RARB: variants seen among roughly 807,000 people sequenced by gnomAD.
The protein encoded by RARB is HBV-activated protein.
Under a neutral mutation model 51.9 loss-of-function variants are expected in RARB, and 17 were observed. The ratio of observed to expected loss-of-function variants is 0.33; its 90% CI spans 0.22 to 0.49. The LOEUF is 0.49. Among genes scored for constraint, RARB ranks in the 20% least tolerant of loss-of-function variants. RARB has a pLI of 0.99. For synonymous variants in RARB, 215 were observed against 195.4 expected (o/e 1.10, Z -0.84); for missense variants, 369 against 550.8 (o/e 0.67, Z 3.30).
chr3:25,571,008 C>T (rs1028834353), intron 4 of RARB, among the ~76,000 whole-genome samples: 1 of 151,178 alleles, frequency 6.6e-6, no homozygotes, highest in Non-Finnish European at 1.5e-5. Context: ...GGGTGTAGTG[C>T]GCTAGGATGT....
At chr3:24,919,533 T>G (rs571235974) in intron 2 of RARB, among the ~76,000 whole-genome samples, 31 of 152,198 alleles carry the variant, frequency 2.0e-4, no homozygotes, top group African/African-American at 7.5e-4. Context: ...TGTACGTCAC[T>G]TTCTTTTTCT....
intron 3 of RARB, among the ~76,000 whole-genome samples, chr3:25,063,281 T>G (rs1698587961): frequency 6.6e-6 from 1 of 152,050 alleles, no homozygotes; most frequent in Non-Finnish European, 1.5e-5. Context: ...GCTCTAAAAC[T>G]TCTGATTCTC....
upstream of RARB, among the ~76,000 whole-genome samples, chr3:25,426,613 T>C (rs964423733): frequency 1.5e-4 from 23 of 152,372 alleles, no homozygotes; most frequent in Admixed American, 5.2e-4. Flanking sequence ...AGCAGTGCTC[T>C]TCCCTGCATT....
At chr3:25,419,931 C>G (rs1257465969) in intron 5 of RARB, among the ~76,000 whole-genome samples, 2 of 150,532 alleles carry the variant, frequency 1.3e-5, no homozygotes, top group African/African-American at 5.0e-5. Flanking sequence ...ATGCAAAAAA[C>G]TAATTTTGGA....
intron 2 of RARB, among the ~76,000 whole-genome samples, chr3:25,038,208 A>G (rs1222463663): frequency 1.3e-5 from 2 of 152,190 alleles, no homozygotes; most frequent in Non-Finnish European, 2.9e-5. Context: ...TGATGAAGGA[A>G]TTTGATAGAT....
At chr3:25,141,107 A>G (rs1368254335) in intron 4 of RARB, among the ~76,000 whole-genome samples, 1 of 152,148 alleles carries the variant, frequency 6.6e-6, no homozygotes, top group Non-Finnish European at 1.5e-5. Context: ...TCTTTGAGGT[A>G]TACCGATATT....
At position 25,576,267 on chromosome 3, in the gene RARB, C is replaced by G. The variant is rs539406351; in HGVS notation, c.610-4279C>G. 2.0e-5 allele frequency among the ~76,000 whole-genome samples: 3 copies of G among 152,252 alleles called. No individual in the cohort carries two copies. The East Asian group carries it at 5.8e-4, about 29-fold the overall frequency. ...GGAAGTTTCTAGTCATGAGAAAAAG[C>G]AGTTCGAAGAAGGTGGTGCCTAGCT... On this transcript the variant is annotated intron_variant, in intron 4 of 7. Coordinates refer to ENST00000330688, the MANE Select transcript of RARB (RefSeq NM_000965.5).
intron 2 of RARB, chr3:25,060,111 C>T (rs909295928): frequency 2.0e-5 from 3 of 151,674 alleles, no homozygotes; most frequent in African/African-American, 7.3e-5. Flanking sequence ...CTAATCCAGC[C>T]ACTTATTTTA....
chr3:25,171,900 C>G (rs1012433786), intron 4 of RARB, among the ~76,000 whole-genome samples: 1 of 151,866 alleles, frequency 6.6e-6, no homozygotes, highest in Admixed American at 6.6e-5. Flanking sequence ...TATTGGATAA[C>G]GTATGCTTTT....
At chr3:25,358,428 A>G (rs1403760834) in intron 5 of RARB, among the ~76,000 whole-genome samples, 1 of 152,200 alleles carries the variant, frequency 6.6e-6, no homozygotes, top group African/African-American at 2.4e-5. Flanking sequence ...ATCTGCAAAC[A>G]GAGACAACTT....
intron 3 of RARB, among the ~76,000 whole-genome samples, chr3:25,550,175 C>T (rs1195491709): frequency 6.6e-6 from 1 of 152,188 alleles, no homozygotes; most frequent in Non-Finnish European, 1.5e-5. Flanking sequence ...GACCCCTTTG[C>T]AGTTAAGATA....
chr3:24,925,230 A>G (rs572109695), intron 2 of RARB, among the ~76,000 whole-genome samples: 3 of 152,270 alleles, frequency 2.0e-5, no homozygotes, highest in African/African-American at 4.8e-5. Flanking sequence ...TTTTAAATAT[A>G]CTATTAATTG....
intron 3 of RARB, among the ~76,000 whole-genome samples, chr3:25,516,453 T>G (rs1340607660): frequency 6.6e-6 from 1 of 152,192 alleles, no homozygotes; most frequent in Non-Finnish European, 1.5e-5. Context: ...GTGCTTTATA[T>G]TTTGATTCAT....
chr3:25,422,337 AATCTT>A (rs1356956167), intron 5 of RARB, among the ~76,000 whole-genome samples: 2 of 152,194 alleles, frequency 1.3e-5, no homozygotes, highest in Middle Eastern at 3.2e-3. Context: ...TGGCACATCT[AATCTT>A]AGCTTATTGG....
chr3:25,279,974 TCTC>T (rs1164279159), intron 5 of RARB, among the ~76,000 whole-genome samples: 2 of 152,072 alleles, frequency 1.3e-5, no homozygotes, highest in African/African-American at 2.4e-5. Flanking sequence ...GAAGATTTCT[TCTC>T]CTCACACATT....
At chr3:25,085,765 T>G (rs1699093613) in intron 3 of RARB, among the ~76,000 whole-genome samples, 1 of 152,280 alleles carries the variant, frequency 6.6e-6, no homozygotes, top group East Asian at 1.9e-4. Context: ...TTGTGTCAAA[T>G]CCAGTTCCAT....
At chr3:25,069,864 T>C (rs1241380923) in intron 3 of RARB, among the ~76,000 whole-genome samples, 1 of 152,244 alleles carries the variant, frequency 6.6e-6, no homozygotes, top group Non-Finnish European at 1.5e-5. Flanking sequence ...GGAGCCCATC[T>C]GACCCAATTA....
intron 5 of RARB, among the ~76,000 whole-genome samples, chr3:25,402,804 TAAG>T (rs988640038): frequency 3.9e-5 from 6 of 151,918 alleles, no homozygotes; most frequent in Non-Finnish European, 8.8e-5. Context: ...CACCAGGGGC[TAAG>T]AGTGGTAGTG....
chr3:25,574,407 G>C (rs1002208814), intron 4 of RARB, among the ~76,000 whole-genome samples: 2 of 152,180 alleles, frequency 1.3e-5, no homozygotes, highest in Non-Finnish European at 2.9e-5. Context: ...GAGTCGTGCC[G>C]AATGTGCAGC....
Sources: gnomAD v4.1 joint callset for allele counts (sites outside exome capture counted in the v4.1 genomes callset) on GRCh38, gnomAD v4.1.1 for gene constraint, MANE v1.5 for transcripts, NCBI Gene and HGNC (gene_info 2026-07-23, HGNC 2026-07-21) for gene names.